The following DNM3 variants were observed in gnomAD, a reference collection of about 807,000 sequenced individuals.
DNM3 encodes dynamin-3.
DNM3 carries 47 observed loss-of-function variants against 101.6 expected under a neutral mutation model. The ratio of observed to expected loss-of-function variants is 0.46; its 90% CI spans 0.37 to 0.59. The LOEUF is 0.59. Ranked by LOEUF, DNM3 falls within the 20% of genes least tolerant of loss-of-function variation. The probability of loss-of-function intolerance (pLI) is 0.00; values close to 1 mark genes in which losing one functional copy is unlikely to be tolerated. For missense variants in DNM3, 849 were observed against 1,085.7 expected (o/e 0.78, Z 3.06); for synonymous variants, 385 against 387.9 (o/e 0.99, Z 0.09).
intron 14 of DNM3, among the ~76,000 whole-genome samples, chr1:172,226,614 G>A (rs577561503): frequency 1.3e-5 from 2 of 152,194 alleles, no homozygotes; most frequent in South Asian, 2.1e-4. Flanking sequence ...TTTAAACTTC[G>A]ATGATAAATA....
intron 14 of DNM3, among the ~76,000 whole-genome samples, chr1:172,195,404 T>G (rs2059910561): frequency 6.6e-6 from 1 of 151,924 alleles, no homozygotes; most frequent in Non-Finnish European, 1.5e-5. Context: ...CTGATCTGTA[T>G]TTCTCTTATT....
At chr1:172,232,230 G>T (rs192915880) in intron 14 of DNM3, among the ~76,000 whole-genome samples, 1 of 152,044 alleles carries the variant, frequency 6.6e-6, no homozygotes, top group Non-Finnish European at 1.5e-5. Flanking sequence ...AAAGGCAGGG[G>T]TTTCAATCCT....
chr1:171,924,044 G>C (rs2040376177), intron 2 of DNM3, among the ~76,000 whole-genome samples: 1 of 152,112 alleles, frequency 6.6e-6, no homozygotes, highest in Non-Finnish European at 1.5e-5. Context: ...AGTATTCTAT[G>C]GTGTATGTGT....
At chr1:171,946,637 G>GA (rs2125436431) in intron 2 of DNM3, among the ~76,000 whole-genome samples, 1 of 152,284 alleles carries the variant, frequency 6.6e-6, no homozygotes, top group East Asian at 1.9e-4. Flanking sequence ...TTGCTGTAAA[G>GA]GAATGCTGAG....
chr1:172,415,540 T>TGTTTG (rs60022147), downstream of DNM3, among the ~76,000 whole-genome samples: 33 of 143,626 alleles, frequency 2.3e-4, no homozygotes, highest in South Asian at 9.1e-4. Context: ...TTTTTTTTTT[T>TGTTTG]TTTTTTTGAG....
rs1221773220 is a variant in DNM3 at position 171,964,491 on chromosome 1, A to G, written c.236-23165A>G. Among the ~76,000 whole-genome samples, 3 of 152,212 alleles carry G rather than the reference A, an allele frequency of 2.0e-5. No homozygotes were observed. The South Asian group carries it at 6.2e-4, about 32-fold the overall frequency. On this transcript the variant is annotated intron_variant, in intron 2 of 20. Coordinates refer to ENST00000627582, the MANE Select transcript of DNM3 (RefSeq NM_015569.5). ...GCCTTTCCAGACCAAACCAATGTAC[A>G]TCTTACATGTACCGATGGATGTCTT...
chr1:171,929,497 G>T (rs2040835589), intron 2 of DNM3, among the ~76,000 whole-genome samples: 1 of 152,222 alleles, frequency 6.6e-6, no homozygotes, highest in Non-Finnish European at 1.5e-5. Flanking sequence ...GATGGCTGGA[G>T]ACCCTGGTTG....
chr1:172,017,718 T>C (rs187668091), intron 4 of DNM3, among the ~76,000 whole-genome samples: 131 of 152,270 alleles, frequency 8.6e-4, no homozygotes, highest in African/African-American at 2.9e-3. Context: ...ATCCAGTTGA[T>C]TATGTTGCTT....
chr1:172,331,968 T>C (rs1020521121), intron 17 of DNM3, among the ~76,000 whole-genome samples: 1 of 151,996 alleles, frequency 6.6e-6, no homozygotes, highest in Non-Finnish European at 1.5e-5. Context: ...ATTCAGGGTA[T>C]ATTTTGTAGA....
chr1:172,085,610 C>A (rs1382237608), intron 12 of DNM3, among the ~76,000 whole-genome samples: 1 of 152,166 alleles, frequency 6.6e-6, no homozygotes, highest in Non-Finnish European at 1.5e-5. Flanking sequence ...TAGGTCTCAA[C>A]ACCTGTTTTC....
chr1:172,177,355 T>A (rs1444281608), intron 14 of DNM3, among the ~76,000 whole-genome samples: 1 of 151,870 alleles, frequency 6.6e-6, no homozygotes, highest in Non-Finnish European at 1.5e-5. Flanking sequence ...TATCAATCTC[T>A]TACAGTGCCT....
intron 4 of DNM3, among the ~76,000 whole-genome samples, chr1:172,016,308 A>G (rs1423168729): frequency 6.6e-6 from 1 of 152,108 alleles, no homozygotes; most frequent in Non-Finnish European, 1.5e-5. Flanking sequence ...TTAAAAAATT[A>G]TGAATTGGTA....
rs940842677 is a variant in DNM3 at position 172,407,992 on chromosome 1, T to C, written c.*151T>C. On this transcript the variant is annotated 3_prime_UTR_variant, in exon 21 of 21. Coordinates refer to ENST00000627582, the MANE Select transcript of DNM3 (RefSeq NM_015569.5). ...TAATGCATTCATCGCTCATCTTCAT[T>C]GCTCATGGTATGTCAAACCTTTGGG... 5 of 1,503,570 alleles carry C rather than the reference T, an allele frequency of 3.3e-6. No homozygotes were observed. In the African/African-American group the frequency reaches 6.9e-5, roughly 21 times the overall value. The allele number at this position is 1,503,570 out of a possible 1,614,324, so 93.1% of individuals were successfully genotyped here.
chr1:172,382,059 A>C (rs2068939780), intron 18 of DNM3, among the ~76,000 whole-genome samples: 1 of 152,168 alleles, frequency 6.6e-6, no homozygotes, highest in South Asian at 2.1e-4. Flanking sequence ...CTGCCACTCA[A>C]ATCTCCATAT....
intron 14 of DNM3, among the ~76,000 whole-genome samples, chr1:172,217,790 A>C (rs985343112): frequency 6.6e-6 from 1 of 152,128 alleles, no homozygotes; most frequent in African/African-American, 2.4e-5. Flanking sequence ...TTTGTAAAGA[A>C]ATGTATGGGA....
intron 14 of DNM3, among the ~76,000 whole-genome samples, chr1:172,175,412 C>A (rs1019840651): frequency 6.6e-6 from 1 of 151,618 alleles, no homozygotes; most frequent in African/African-American, 2.4e-5. Flanking sequence ...CATTAGTTAT[C>A]ATTGAATACT....
At chr1:171,876,902 T>C (rs2035837404) in intron 1 of DNM3, among the ~76,000 whole-genome samples, 2 of 152,370 alleles carry the variant, frequency 1.3e-5, no homozygotes, top group East Asian at 3.9e-4. Context: ...GTTAATGTTG[T>C]TCCAGGCGAT....
intron 14 of DNM3, among the ~76,000 whole-genome samples, chr1:172,181,463 G>A (rs1204041154): frequency 6.6e-6 from 1 of 151,592 alleles, no homozygotes; most frequent in East Asian, 1.9e-4. Context: ...CTTGCTATTA[G>A]GGCAATTCCC....
chr1:172,387,590 C>G (rs1573697085), intron 19 of DNM3, among the ~76,000 whole-genome samples: 1 of 151,066 alleles, frequency 6.6e-6, no homozygotes, highest in Admixed American at 6.6e-5. Flanking sequence ...ACCCGGGAGG[C>G]AGAGCTTGCA....
Sources: gnomAD v4.1 joint callset for allele counts (sites outside exome capture counted in the v4.1 genomes callset) on GRCh38, gnomAD v4.1.1 for gene constraint, MANE v1.5 for transcripts, NCBI Gene and HGNC (gene_info 2026-07-23, HGNC 2026-07-21) for gene names.